Variants in ZNF626 observed in about 807,000 individuals in gnomAD.
The protein encoded by ZNF626 is zinc finger protein 626, also known as CTC-513N18.7.
Under a neutral mutation model 11.7 loss-of-function variants are expected in ZNF626, and 4 were observed. The observed-to-expected ratio is 0.34, with a 90% confidence interval of 0.17 to 0.78. The LOEUF is 0.78. ZNF626 is among the 30% of genes least tolerant of loss of function. The probability of loss-of-function intolerance (pLI) is 0.57; values close to 1 mark genes in which losing one functional copy is unlikely to be tolerated. For missense variants in ZNF626, 588 were observed against 587.1 expected (o/e 1.00, Z -0.01); for synonymous variants, 179 against 198.6 (o/e 0.90, Z 0.83).
chr19:20,628,728 A>G (rs1438327204), intron 3 of ZNF626, among the ~76,000 whole-genome samples: 1 of 152,094 alleles, frequency 6.6e-6, no homozygotes, highest in Non-Finnish European at 1.5e-5. Context: ...CCCATTCTGT[A>G]GGTTGCCTGT....
chr19:20,622,582 T>C lies in ZNF626; in HGVS notation c.*1708A>G, dbSNP rs1555768863. On this transcript the variant is annotated 3_prime_UTR_variant, in exon 4 of 4. Coordinates refer to ENST00000601440, the MANE Select transcript of ZNF626 (RefSeq NM_001076675.3). ...TAACAGCATAATTTGAAAGCTGTAT[T>C]ACATCATTCACTTTTCAAAAAAATT... 1 of 53,008 alleles carries C rather than the reference T, an allele frequency of 1.9e-5. No individual in the cohort carries two copies. The highest frequency in any genetic ancestry group is 4.0e-5 in the African/African-American group (1 of 25,008). 3.3% of individuals were successfully genotyped at this position (53,008 alleles called of 1,614,324 possible).
Position 20,625,039 on chromosome 19 carries a change from T to C in ZNF626, c.838A>G (p.Thr280Ala). The C allele has an allele frequency of 1.9e-6, 3 of 1,613,906 alleles. No individual in the cohort carries two copies. Among genetic ancestry groups the C allele is most frequent in the South Asian group, 2.2e-5 (2 of 91,080 alleles). ...TCACATTTGTAGGGTTTCTTTTCCG[T>C]ATGAATTATCTCATGTTTACTAAGG... ...STLSKHEIIH[T>A]EKKPYKCEEC... is the part of the protein sequence containing the mutation. Residue 280 changes from threonine to alanine, a missense_variant, in exon 4 of 4, where the codon ACG becomes GCG. Thr to Ala is a moderately conservative substitution (Grantham distance 58). Coordinates refer to ENST00000601440, the MANE Select transcript of ZNF626 (RefSeq NM_001076675.3).
chr19:20,625,570 A>G lies in ZNF626; in HGVS notation c.307T>C (p.Tyr103His), dbSNP rs1555769546. Residue 103 changes from tyrosine to histidine, a missense_variant, in exon 4 of 4, where the codon TAT (tyrosine) becomes CAT (histidine). By Grantham distance (83) the Tyr-to-His change is moderately conservative (BLOSUM62 2). Transcript: ENST00000601440. ...AAATTGTCATGTTCACATTTTTCAT[A>G]TCTTCTCAGTACCACTTTTTGGAAA... ...DSFQKVVLRR[Y>H]EKCEHDNLQL... 1.9e-6 allele frequency: 3 copies of G among 1,611,278 alleles called. No homozygotes were observed. In the African/African-American group the frequency reaches 4.0e-5, roughly 22 times the overall value.
At position 20,625,303 on chromosome 19, in the gene ZNF626, T is replaced by C; in HGVS notation, c.574A>G (p.Lys192Glu). Residue 192 changes from lysine (K) to glutamate (E), a missense_variant, in exon 4 of 4, where the codon AAG becomes GAG. Physicochemically the swap from Lys to Glu is moderately conservative, Grantham distance 56 (BLOSUM62 1). Transcript: ENST00000601440. ...GGTTTCCCTCCAGTATGAATTTTCT[T>C]ATGTGTAGTAAGAGTTGAGAACTGC... ...FKQFSTLTTH[K>E]KIHTGGKPYK... 6.2e-7 allele frequency: 1 copy of C among 1,614,008 alleles called. No individual in the cohort carries two copies.
At chr19:20,651,348 A>AT (rs1970144201) in intron 1 of ZNF626, among the ~76,000 whole-genome samples, 1 of 151,512 alleles carries the variant, frequency 6.6e-6, no homozygotes, top group African/African-American at 2.4e-5. Context: ...TAATTCAAGT[A>AT]TTTATCTAGT....
intron 3 of ZNF626, among the ~76,000 whole-genome samples, chr19:20,642,998 G>A (rs1012184651): frequency 7.0e-6 from 1 of 143,538 alleles, no homozygotes; most frequent in Admixed American, 7.1e-5. Flanking sequence ...ATGAGAGAGG[G>A]TAACTCCTTC....
intron 1 of ZNF626, among the ~76,000 whole-genome samples, chr19:20,648,391 T>C (rs1037627222): frequency 3.3e-5 from 5 of 151,140 alleles, no homozygotes; most frequent in African/African-American, 9.7e-5. Flanking sequence ...TTTTTTTTTT[T>C]TCTGAGATGG....
At chr19:20,645,298 T>C in intron 3 of ZNF626, 2 of 1,483,880 alleles carry the variant, frequency 1.3e-6, no homozygotes, top group Non-Finnish European at 1.8e-6. Flanking sequence ...TCAGATCTGA[T>C]GCAAAGAGAA....
chr19:20,631,312 C>G (rs529224573), intron 3 of ZNF626, among the ~76,000 whole-genome samples: 1 of 152,050 alleles, frequency 6.6e-6, no homozygotes, highest in Admixed American at 6.6e-5. Context: ...GAGCTGAGTT[C>G]AATTCCTGGG....
chr19:20,629,851 T>C (rs1391000867), intron 3 of ZNF626, among the ~76,000 whole-genome samples: 1 of 152,222 alleles, frequency 6.6e-6, no homozygotes, highest in Non-Finnish European at 1.5e-5. Context: ...ATCCCTGTCT[T>C]GTGCCAGTTT....
At chr19:20,647,153 G>A (rs1248747940) in intron 1 of ZNF626, among the ~76,000 whole-genome samples, 5 of 152,094 alleles carry the variant, frequency 3.3e-5, no homozygotes, top group African/African-American at 1.2e-4. Context: ...CCAATGTGGT[G>A]AATTTCTAAT....
intron 1 of ZNF626, among the ~76,000 whole-genome samples, chr19:20,653,308 C>T (rs1555772757): frequency 6.6e-6 from 1 of 152,078 alleles, no homozygotes; most frequent in African/African-American, 2.4e-5. Context: ...TTTTATTACA[C>T]AATTAAACTT....
chr19:20,655,966 AT>A (rs1291406044), intron 1 of ZNF626, among the ~76,000 whole-genome samples: 8 of 151,320 alleles, frequency 5.3e-5, no homozygotes, highest in African/African-American at 1.5e-4. Context: ...GAATAGCAAA[AT>A]TTTTTTTTGG....
In ZNF626 at chr19:20,625,409, T is replaced by G. The variant is rs782114109; in HGVS notation, c.468A>C (p.Gln156His). ...TCTTTTGTCCGTTTGAATTTGGAAA[T>G]TGATGAAGGACTTTCACATATTTAT... ...QCDKYVKVLH[Q>H]FPNSNGQKRG... The change falls in exon 4 of 4, where the codon CAA becomes CAC. Residue 156 changes from glutamine to histidine, a missense_variant. Around this residue, in one of 4 missense-constraint regions of ZNF626, gnomAD observed 524 missense variants for 470.1 expected, o/e 1.11. Coordinates refer to ENST00000601440, the MANE Select transcript of ZNF626 (RefSeq NM_001076675.3). 6.2e-7 allele frequency: 1 copy of G among 1,614,120 alleles called. No individual in the cohort carries two copies. Among genetic ancestry groups the G allele is most frequent in the Admixed American group, 1.7e-5 (1 of 59,980 alleles).
At chr19:20,630,132 T>C (rs537030623) in intron 3 of ZNF626, among the ~76,000 whole-genome samples, 6 of 152,194 alleles carry the variant, frequency 3.9e-5, no homozygotes, top group Admixed American at 3.3e-4. Context: ...ATGAAGCCCA[T>C]TTGATCATGG....
chr19:20,656,212 T>C (rs1418236691), intron 1 of ZNF626, among the ~76,000 whole-genome samples: 1 of 152,106 alleles, frequency 6.6e-6, no homozygotes, highest in Non-Finnish European at 1.5e-5. Flanking sequence ...TAATAAATGG[T>C]GCAGGAATAA....
At chr19:20,660,806 TC>T (rs1434137791) in intron 1 of ZNF626, among the ~76,000 whole-genome samples, 2 of 152,156 alleles carry the variant, frequency 1.3e-5, no homozygotes, top group African/African-American at 4.8e-5. Context: ...TCTAAGCTGA[TC>T]CTGGTAAGCT....
intron 3 of ZNF626, among the ~76,000 whole-genome samples, chr19:20,632,836 G>A (rs573356449): frequency 2.6e-5 from 4 of 152,272 alleles, no homozygotes; most frequent in Non-Finnish European, 4.4e-5. Flanking sequence ...GAGGAGCTGC[G>A]TTCCTTTGGA....
intron 2 of ZNF626, among the ~76,000 whole-genome samples, 195 bp downstream of exon 2, chr19:20,646,084 T>C (rs1028152387): frequency 3.3e-5 from 5 of 152,132 alleles, no homozygotes; most frequent in African/African-American, 1.2e-4. Context: ...ACAGCTCAAC[T>C]CAGGAAAGTG....
Sources: allele counts gnomAD v4.1 joint callset (sites outside exome capture counted in the v4.1 genomes callset), GRCh38; gene constraint gnomAD v4.1.1; regional missense constraint gnomAD v4.1.1; transcripts MANE v1.5; gene names NCBI Gene and HGNC (gene_info 2026-07-23, HGNC 2026-07-21).